The following ZNF324B variants were observed in gnomAD, a reference collection of about 807,000 sequenced individuals.
ZNF324B encodes zinc finger protein 324B.
ZNF324B carries 7 observed loss-of-function variants against 10.6 expected under a neutral mutation model. That is an observed-to-expected ratio of 0.66 (90% CI 0.38 to 1.24). The LOEUF is 1.24. ZNF324B is among the 50% of genes most tolerant of loss of function. ZNF324B has a pLI of 0.02. For synonymous variants in ZNF324B, 316 were observed against 321.0 expected, an observed-to-expected ratio of 0.98 and a Z score of 0.17; for missense variants, 640 against 764.7, an observed-to-expected ratio of 0.84 and a Z score of 1.92.
chr19:58,444,952 T>G, the ZNF324B span: 1 of 169,618 alleles, frequency 5.9e-6, no homozygotes, highest in Non-Finnish European at 1.2e-5. Context: ...GCGCAAGGAG[T>G]GTGGTCCAGC....
At chr19:58,438,274 C>A in the ZNF324B span, among the ~76,000 whole-genome samples, 1 of 152,182 alleles carries the variant, frequency 6.6e-6, no homozygotes, top group Non-Finnish European at 1.5e-5. Flanking sequence ...AGTGTCCACA[C>A]ACAAGCATCC....
At chr19:58,430,929 A>G in the ZNF324B span, 1 of 152,196 alleles carries the variant, frequency 6.6e-6, no homozygotes, top group East Asian at 1.9e-4. Context: ...TCCCTGTGCC[A>G]TGAGTACTCT....
the ZNF324B span, chr19:58,431,026 C>CT: frequency 6.6e-6 from 1 of 152,234 alleles, no homozygotes; most frequent in Non-Finnish European, 1.5e-5. Context: ...GGTAGTTACC[C>CT]TGGAAAGCCT....
In ZNF324B at chr19:58,456,122, GCGAGAAGCCCTT is replaced by G. The variant is rs1479990090; in HGVS notation, c.1181_1192del (p.Glu394_Phe397del). ...ATCCAGCACGAGCGTACGCACACAG[GCGAGAAGCCCTT>G]CGTATGCGCGCTCTGCGGTGCTGCC... On this transcript the variant is annotated inframe_deletion, in exon 4 of 4. Transcript: ENST00000336614. This position sits in a 1 kb window ranked among gnomAD's most constrained non-coding sequence, Gnocchi z 4.7. The G allele has an allele frequency of 1.9e-6, 3 of 1,613,406 alleles. No individual in the cohort carries two copies. Among genetic ancestry groups the G allele is most frequent in the Non-Finnish European group, 2.5e-6 (3 of 1,179,874 alleles).
the ZNF324B span, among the ~76,000 whole-genome samples, chr19:58,431,451 G>A: frequency 6.6e-6 from 1 of 152,080 alleles, no homozygotes; most frequent in Non-Finnish European, 1.5e-5. Context: ...TCTAGAGATG[G>A]GGCCTTGCTA....
the ZNF324B span, chr19:58,434,622 C>T: frequency 1.9e-6 from 3 of 1,614,058 alleles, no homozygotes; most frequent in Non-Finnish European, 2.5e-6. Flanking sequence ...TTGATTTCTC[C>T]TCTAAGAAAT....
upstream of ZNF324B, among the ~76,000 whole-genome samples, chr19:58,449,081 A>G (rs1427475554): frequency 6.6e-6 from 1 of 152,228 alleles, no homozygotes; most frequent in Non-Finnish European, 1.5e-5. Context: ...TGCAGCCTAC[A>G]GACTTGGTGC....
chr19:58,439,910 A>C, the ZNF324B span: 1 of 1,382,890 alleles, frequency 7.2e-7, no homozygotes, highest in Non-Finnish European at 9.8e-7. Flanking sequence ...GTCTTCCCAA[A>C]TGCAAAATGC....
the ZNF324B span, among the ~76,000 whole-genome samples, chr19:58,424,249 C>G: frequency 6.6e-6 from 1 of 151,776 alleles, no homozygotes; most frequent in Non-Finnish European, 1.5e-5. Flanking sequence ...AACTCAGTCT[C>G]AAAAGAACAA....
chr19:58,432,435 C>T, the ZNF324B span: 10 of 401,486 alleles, frequency 2.5e-5, no homozygotes, highest in East Asian at 6.5e-4. Context: ...TGGCATGTGC[C>T]CTAGTTCACC....
rs1337504344 is a variant in ZNF324B, at chr19:58,453,664, C to T, written c.-6-32C>T. On this transcript the variant is annotated intron_variant, in intron 1 of 3. Transcript: ENST00000336614. The stretch of plus-strand genomic sequence containing the variant: ...TCCTGGCTCACAGCCATACCTTAGA[C>T]CATGCCTACCTCCACCTCCCTGCTG... 4 of 1,614,118 alleles carry T rather than the reference C, an allele frequency of 2.5e-6. No homozygotes were observed. In the South Asian group the frequency reaches 3.3e-5, roughly 13 times the overall value.
At chr19:58,450,757 C>A (rs114425199), upstream of ZNF324B, among the ~76,000 whole-genome samples, 936 of 152,232 alleles carry the variant, frequency 6.1e-3, 13 homozygotes, top group African/African-American at 0.022. Context: ...GTCTAAGGAT[C>A]CTAAAAACAA....
At chr19:58,425,003 C>A in the ZNF324B span, among the ~76,000 whole-genome samples, 2 of 152,118 alleles carry the variant, frequency 1.3e-5, no homozygotes, top group African/African-American at 4.8e-5. Flanking sequence ...TGGCTGTAAT[C>A]CCACCACTTT....
the ZNF324B span, chr19:58,443,913 G>C: frequency 6.6e-6 from 1 of 152,296 alleles, no homozygotes; most frequent in East Asian, 1.9e-4. Flanking sequence ...CACTTGATGA[G>C]AGCTGTATAG....
the ZNF324B span, chr19:58,434,859 C>A: frequency 3.7e-6 from 6 of 1,614,144 alleles, no homozygotes; most frequent in Non-Finnish European, 5.1e-6. Flanking sequence ...TCCCACCTTC[C>A]CTGCAAGTGA....
the ZNF324B span, among the ~76,000 whole-genome samples, chr19:58,422,098 A>G: frequency 6.6e-6 from 1 of 152,110 alleles, no homozygotes; most frequent in African/African-American, 2.4e-5. Context: ...TTGTATTTTT[A>G]GTAGAGACAG....
chr19:58,438,905 G>T, the ZNF324B span, among the ~76,000 whole-genome samples: 1 of 151,934 alleles, frequency 6.6e-6, no homozygotes, highest in Non-Finnish European at 1.5e-5. Flanking sequence ...CAAGTTGCTG[G>T]GATTACAGGT....
At chr19:58,439,573 G>C in the ZNF324B span, among the ~76,000 whole-genome samples, 6 of 152,208 alleles carry the variant, frequency 3.9e-5, no homozygotes, top group African/African-American at 1.2e-4. Flanking sequence ...GGAATCCCTC[G>C]ATATAACCCC....
At chr19:58,442,916 G>T in the ZNF324B span, 1 of 152,286 alleles carries the variant, frequency 6.6e-6, no homozygotes, top group Admixed American at 6.5e-5. Context: ...AAGAGGACCC[G>T]CGGGTTGCCG....
Sources: gnomAD v4.1 joint callset for allele counts (sites outside exome capture counted in the v4.1 genomes callset) on GRCh38, gnomAD v4.1.1 for gene constraint, Gnocchi (gnomAD v3.1) non-coding constraint, MANE v1.5 for transcripts, NCBI Gene and HGNC (gene_info 2026-07-23, HGNC 2026-07-21) for gene names.